ASB13: variants seen among roughly 807,000 people sequenced by gnomAD.
ASB13 encodes ankyrin repeat and SOCS box protein 13.
A neutral mutation model predicts 28.8 loss-of-function variants in ASB13; 33 were observed. The ratio of observed to expected loss-of-function variants is 1.15; its 90% CI spans 0.87 to 1.53. The LOEUF (loss-of-function observed/expected upper bound fraction) is 1.53. Ranked by LOEUF, ASB13 falls within the 40% of genes most tolerant of loss-of-function variation. ASB13 has a pLI of 0.00. For synonymous variants in ASB13, 182 were observed against 172.9 expected (o/e 1.05, Z -0.41); for missense variants, 414 against 390.1 (o/e 1.06, Z -0.52).
rs930502949 is a variant in ASB13 at position 5,644,513 on chromosome 10, A to T, written c.518-2552T>A. 1.3e-5 allele frequency among the ~76,000 whole-genome samples: 2 copies of T among 151,726 alleles called. No homozygotes were observed. Among genetic ancestry groups the T allele is most frequent in the Non-Finnish European group, 2.9e-5 (2 of 67,908 alleles). ...CCATAGTGAGAAAGAGAACATAAAC[A>T]GGTACTCGTTAGAGGAAAACAGGGC... On this transcript the variant is annotated intron_variant, in intron 4 of 5. Transcript: ENST00000357700. The surrounding 1 kb of genome is among the most constrained non-coding windows in gnomAD (Gnocchi z 5.1).
intron 1 of ASB13, among the ~76,000 whole-genome samples, chr10:5,662,293 C>T (rs934021195): frequency 1.8e-4 from 28 of 151,814 alleles, no homozygotes; most frequent in Non-Finnish European, 2.8e-4. Flanking sequence ...CTGAGGCAGG[C>T]GGATCACCTG....
Position 5,649,899 on chromosome 10 carries a change from C to A in ASB13, c.383-795G>T, listed in dbSNP as rs10905895. Among the ~76,000 whole-genome samples the A allele has an allele frequency of 7.9e-5, 12 of 152,086 alleles. No homozygotes were observed. Among genetic ancestry groups the A allele is most frequent in the Non-Finnish European group, 1.5e-4 (10 of 67,954 alleles). On this transcript the variant is annotated intron_variant, in intron 3 of 5. Coordinates refer to ENST00000357700, the MANE Select transcript of ASB13 (RefSeq NM_024701.4). This position sits in a 1 kb window ranked among gnomAD's most constrained non-coding sequence, Gnocchi z 6.4. ...ATTTGGAGCGGGGTTCCAGGCCCCC[C>A]ATCCTCCCGCCCCTGCACATTCCGT...
rs1835004098 is a variant in ASB13, at chr10:5,652,542, G to A, written c.231+321C>T. Reference sequence around the variant, plus strand: ...CCTAAAGCCGGAAACCTGCTCTTTGGGCCCAAGCAGCAGCTCTGCACCCAG... The same window carrying A: ...CCTAAAGCCGGAAACCTGCTCTTTGAGCCCAAGCAGCAGCTCTGCACCCAG... On this transcript the variant is annotated intron_variant, in intron 2 of 5. Coordinates refer to ENST00000357700, the MANE Select transcript of ASB13 (RefSeq NM_024701.4). The surrounding 1 kb of genome is among the most constrained non-coding windows in gnomAD (Gnocchi z 5.0). 6.6e-6 allele frequency among the ~76,000 whole-genome samples: 1 copy of A among 152,190 alleles called. No homozygotes were observed. Among genetic ancestry groups the A allele is most frequent in the South Asian group, 2.1e-4 (1 of 4,830 alleles).
intron 1 of ASB13, among the ~76,000 whole-genome samples, chr10:5,657,027 C>G (rs750188257): frequency 4.6e-5 from 7 of 152,200 alleles, no homozygotes; most frequent in Non-Finnish European, 1.0e-4. Flanking sequence ...AATCTGGGTT[C>G]AGTTACAACT....
chr10:5,649,589 G>A lies in ASB13; in HGVS notation c.383-485C>T, dbSNP rs1834953300. ...TGCCCAGGATGGAATGCAGTGGTGC[G>A]ATCTCAGCTCACTACAACCGCCATC... On this transcript the variant is annotated intron_variant, in intron 3 of 5. Coordinates refer to ENST00000357700, the MANE Select transcript of ASB13 (RefSeq NM_024701.4). The surrounding 1 kb of genome is among the most constrained non-coding windows in gnomAD (Gnocchi z 6.4). Among the ~76,000 whole-genome samples the A allele has an allele frequency of 1.3e-5, 2 of 151,014 alleles. No homozygotes were observed. The highest frequency in any genetic ancestry group is 2.1e-4 in the South Asian group (1 of 4,788).
rs962367072 is a variant in ASB13 at position 5,639,123 on chromosome 10, C to T, written c.*1580G>A. The T allele has an allele frequency of 6.5e-6, 1 of 152,774 alleles. No homozygotes were observed. Among genetic ancestry groups the T allele is most frequent in the African/African-American group, 2.4e-5 (1 of 41,576 alleles). 9.5% of individuals were successfully genotyped at this position (152,774 alleles called of 1,614,324 possible). A position where few individuals can be genotyped will look rare whatever the true frequency, so the allele number is the denominator to read the frequency against. Reference sequence around the variant, plus strand: ...AGTTTAGGACGAAGACCCGCCATGACAATGGCGGGAACGCTGGAGTAAAAC... The same window carrying T: ...AGTTTAGGACGAAGACCCGCCATGATAATGGCGGGAACGCTGGAGTAAAAC... On this transcript the variant is annotated 3_prime_UTR_variant, in exon 6 of 6. Coordinates refer to ENST00000357700, the MANE Select transcript of ASB13 (RefSeq NM_024701.4).
At position 5,650,203 on chromosome 10, in the gene ASB13, A is replaced by G. The variant is rs1834962807; in HGVS notation, c.382+1010T>C. On this transcript the variant is annotated intron_variant, in intron 3 of 5. Transcript: ENST00000357700. The surrounding 1 kb of genome is among the most constrained non-coding windows in gnomAD (Gnocchi z 6.0). ...CATCCCACTCCACCAGCCTACTCTG[A>G]GCACTGGGCACCTTGATCTCAGCGA... 1.3e-5 allele frequency among the ~76,000 whole-genome samples: 2 copies of G among 152,162 alleles called. 1 individual carries two copies. The highest frequency in any genetic ancestry group is 4.1e-4 in the South Asian group (2 of 4,828).
Position 5,651,239 on chromosome 10 carries a change from G to A in ASB13, c.356C>T (p.Ser119Phe), listed in dbSNP as rs375352474. Residue 119 changes from serine to phenylalanine, a missense_variant, in exon 3 of 6, where the codon TCC becomes TTC. Transcript: ENST00000357700. This position sits in a 1 kb window ranked among gnomAD's most constrained non-coding sequence, Gnocchi z 5.1. ...AKVNPPLYTA[S>F]PLHEACMSGS... ...GCTCATGCAGGCCTCGTGCAGGGGGGACGCTGTGTACAGGGGAGGGTTGAC... is the reference window on the plus strand; with the variant it reads ...GCTCATGCAGGCCTCGTGCAGGGGGAACGCTGTGTACAGGGGAGGGTTGAC... 3 of 1,613,292 alleles carry A rather than the reference G, an allele frequency of 1.9e-6. No homozygotes were observed. The highest frequency in any genetic ancestry group is 2.2e-5 in the East Asian group (1 of 44,758).
rs148347415 is a variant in ASB13, at chr10:5,641,872, C to T, written c.607G>A (p.Glu203Lys). 1.4e-5 allele frequency: 23 copies of T among 1,613,974 alleles called. No individual in the cohort carries two copies. In the East Asian group the frequency reaches 2.2e-4, roughly 16 times the overall value. Residue 203 changes from glutamate (E) to lysine (K), a missense_variant, in exon 5 of 6, where the codon GAG (glutamate) becomes AAG (lysine). Physicochemically the swap from Glu to Lys is moderately conservative, Grantham distance 56 (BLOSUM62 1). Coordinates refer to ENST00000357700, the MANE Select transcript of ASB13 (RefSeq NM_024701.4). This position sits in a 1 kb window ranked among gnomAD's most constrained non-coding sequence, Gnocchi z 8.4. ...CGGGCGTAGATGTTGCCGCCAAACT[C>T]GATAAGCATCTCGATGAGGTCAACA... ...KNVDLIEMLI[E>K]FGGNIYARDN...
rs1835173095 is a variant in ASB13, at chr10:5,661,926, G to A, written c.43+4583C>T. On this transcript the variant is annotated intron_variant, in intron 1 of 5. Coordinates refer to ENST00000357700, the MANE Select transcript of ASB13 (RefSeq NM_024701.4). The surrounding 1 kb of genome is among the most constrained non-coding windows in gnomAD (Gnocchi z 4.9). ...AAACAACCAGCAGCCTCTGTAAGAA[G>A]CCCTCCCTGCAAAACCCCAGTAAGC... Among the ~76,000 whole-genome samples the A allele has an allele frequency of 6.6e-6, 1 of 152,180 alleles. No individual in the cohort carries two copies. Among genetic ancestry groups the A allele is most frequent in the South Asian group, 2.1e-4 (1 of 4,836 alleles).
At chr10:5,665,348 A>G (rs2131461645) in intron 1 of ASB13, among the ~76,000 whole-genome samples, 1 of 152,356 alleles carries the variant, frequency 6.6e-6, no homozygotes, top group South Asian at 2.1e-4. Context: ...TTGGGGAGAA[A>G]TATATTAAAT....
intron 5 of ASB13, 63 bp from the exon 6 acceptor site, chr10:5,640,893 G>C (rs7893640): frequency 0.6 from 949,714 of 1,586,250 alleles, 286,630 homozygotes; most frequent in African/African-American, 0.72. Flanking sequence ...CACCTGCAAT[G>C]GAACACAAAC....
rs945354988 is a variant in ASB13, at chr10:5,652,158, T to G, written c.231+705A>C. On this transcript the variant is annotated intron_variant, in intron 2 of 5. Transcript: ENST00000357700. This position sits in a 1 kb window ranked among gnomAD's most constrained non-coding sequence, Gnocchi z 5.0. ...CCAGGAAAAAGGCAACTCCCCAAAT[T>G]GGCAAATTTTATTTAGCATTTGTCC... 2.0e-5 allele frequency among the ~76,000 whole-genome samples: 3 copies of G among 151,780 alleles called. No individual in the cohort carries two copies. Among genetic ancestry groups the G allele is most frequent in the Non-Finnish European group, 4.4e-5 (3 of 68,006 alleles).
intron 4 of ASB13, among the ~76,000 whole-genome samples, chr10:5,648,395 CAAACACCCCCTTGGGT>C (rs1410390747): frequency 3.4e-5 from 4 of 118,618 alleles, no homozygotes; most frequent in African/African-American, 8.7e-5. Flanking sequence ...CCCACTCAGG[CAAACACCCCCTTGGGT>C]AAACACCCAC....
In ASB13 at chr10:5,660,285, C is replaced by T. The variant is rs2386643; in HGVS notation, c.43+6224G>A. Among the ~76,000 whole-genome samples the T allele has an allele frequency of 0.91, 138,866 of 152,286 alleles. 63,376 individuals are homozygous for T. The highest frequency in any genetic ancestry group is 0.95 in the Admixed American group (14,464 of 15,304). ...TCTCTCCACTCTTCCACCCACGATACGACCTTACTGGCTAGGACCGTGTGC... is the reference window on the plus strand; with the variant it reads ...TCTCTCCACTCTTCCACCCACGATATGACCTTACTGGCTAGGACCGTGTGC... On this transcript the variant is annotated intron_variant, in intron 1 of 5. Coordinates refer to ENST00000357700, the MANE Select transcript of ASB13 (RefSeq NM_024701.4). The surrounding 1 kb of genome is among the most constrained non-coding windows in gnomAD (Gnocchi z 6.1).
intron 1 of ASB13, among the ~76,000 whole-genome samples, chr10:5,653,422 C>T (rs765299740): frequency 5.3e-5 from 8 of 152,214 alleles, no homozygotes; most frequent in Non-Finnish European, 7.3e-5. Flanking sequence ...CCTGGTGAAA[C>T]GTTTACATCC....
In ASB13 at chr10:5,660,565, C is replaced by A. The variant is rs527245142; in HGVS notation, c.43+5944G>T. 6.6e-6 allele frequency among the ~76,000 whole-genome samples: 1 copy of A among 152,166 alleles called. No individual in the cohort carries two copies. The highest frequency in any genetic ancestry group is 2.4e-5 in the African/African-American group (1 of 41,428). On this transcript the variant is annotated intron_variant, in intron 1 of 5. Coordinates refer to ENST00000357700, the MANE Select transcript of ASB13 (RefSeq NM_024701.4). This position sits in a 1 kb window ranked among gnomAD's most constrained non-coding sequence, Gnocchi z 6.1. ...GTCTCACAGCTTACCCTCTCCAAAC[C>A]TCGGCCTCCTCTCTCCTCAAATGGG...
chr10:5,661,783 G>A lies in ASB13; in HGVS notation c.43+4726C>T, dbSNP rs946152255. The stretch of plus-strand genomic sequence containing the variant: ...CTAAGTGCTGGGATTACAGGCATGA[G>A]CCCCAGGCCCAGCCCAGAATGCACT... On this transcript the variant is annotated intron_variant, in intron 1 of 5. Transcript: ENST00000357700. The surrounding 1 kb of genome is among the most constrained non-coding windows in gnomAD (Gnocchi z 4.9). Among the ~76,000 whole-genome samples, 1 of 152,152 alleles carries A rather than the reference G, an allele frequency of 6.6e-6. No individual in the cohort carries two copies. Among genetic ancestry groups the A allele is most frequent in the South Asian group, 2.1e-4 (1 of 4,830 alleles).
Position 5,663,385 on chromosome 10 carries a change from C to A in ASB13, c.43+3124G>T, listed in dbSNP as rs1257620881. ...GCATTATCCTTCAATGTCTCCTCCCCTGACTCCCTCATCACTCACCCAATT... is the reference window on the plus strand; with the variant it reads ...GCATTATCCTTCAATGTCTCCTCCCATGACTCCCTCATCACTCACCCAATT... On this transcript the variant is annotated intron_variant, in intron 1 of 5. Coordinates refer to ENST00000357700, the MANE Select transcript of ASB13 (RefSeq NM_024701.4). The surrounding 1 kb of genome is among the most constrained non-coding windows in gnomAD (Gnocchi z 4.9). Among the ~76,000 whole-genome samples, 1 of 152,178 alleles carries A rather than the reference C, an allele frequency of 6.6e-6. No individual in the cohort carries two copies. The highest frequency in any genetic ancestry group is 2.4e-5 in the African/African-American group (1 of 41,438).
Sources: gnomAD v4.1 joint callset for allele counts (sites outside exome capture counted in the v4.1 genomes callset) on GRCh38, gnomAD v4.1.1 for gene constraint, Gnocchi (gnomAD v3.1) non-coding constraint, MANE v1.5 for transcripts, NCBI Gene and HGNC (gene_info 2026-07-23, HGNC 2026-07-21) for gene names.